SGCD: variants seen among roughly 807,000 people sequenced by gnomAD.
The protein encoded by SGCD is sarcoglycan delta.
In SGCD, 18 loss-of-function variants were observed where a neutral mutation model predicts 36.6. That is an observed-to-expected ratio of 0.49 (90% CI 0.34 to 0.73). The LOEUF is 0.73. SGCD is among the 30% of genes least tolerant of loss of function. SGCD has a pLI of 0.01. For synonymous variants in SGCD, 133 were observed against 130.6 expected, an observed-to-expected ratio of 1.02 and a Z score of -0.12; for missense variants, 387 against 346.7, an observed-to-expected ratio of 1.12 and a Z score of -0.92.
chr5:155,737,699 C>T, the SGCD span, among the ~76,000 whole-genome samples: 1 of 151,094 alleles, frequency 6.6e-6, no homozygotes, highest in African/African-American at 2.4e-5. Flanking sequence ...TCATGACACC[C>T]ACTCATGCCT....
At chr5:155,759,917 A>G in the SGCD span, among the ~76,000 whole-genome samples, 1 of 152,190 alleles carries the variant, frequency 6.6e-6, no homozygotes, top group Admixed American at 6.5e-5. Context: ...GAAATTTTCT[A>G]CGAAGTAACT....
the SGCD span, among the ~76,000 whole-genome samples, chr5:155,766,116 G>A: frequency 6.6e-6 from 1 of 152,078 alleles, no homozygotes; most frequent in African/African-American, 2.4e-5. Context: ...AAGGGGAACT[G>A]CAATGGAGGC....
the SGCD span, among the ~76,000 whole-genome samples, chr5:155,780,297 C>T: frequency 1.3e-5 from 2 of 152,098 alleles, no homozygotes; most frequent in African/African-American, 2.4e-5. Flanking sequence ...GTGTTGTCTA[C>T]ATATCTGAGT....
At chr5:155,883,812 A>T (rs1755942076) in intron 1 of SGCD, among the ~76,000 whole-genome samples, 1 of 151,566 alleles carries the variant, frequency 6.6e-6, no homozygotes, top group Non-Finnish European at 1.5e-5. Flanking sequence ...AAAAAAAAAA[A>T]AAGAAAAGCA....
intron 3 of SGCD, among the ~76,000 whole-genome samples, chr5:156,158,674 A>C (rs764214544): frequency 1.6e-4 from 24 of 151,678 alleles, no homozygotes; most frequent in Non-Finnish European, 2.5e-4. Flanking sequence ...ATGATAGAGA[A>C]GGCAAGAGTC....
intron 1 of SGCD, among the ~76,000 whole-genome samples, chr5:156,046,280 A>G (rs1173892903): frequency 1.3e-5 from 2 of 152,180 alleles, no homozygotes; most frequent in African/African-American, 4.8e-5. Context: ...CATGACTCTT[A>G]TCAATAGGCA....
At chr5:156,187,474 A>G (rs980808414) in intron 3 of SGCD, among the ~76,000 whole-genome samples, 1 of 141,890 alleles carries the variant, frequency 7.0e-6, no homozygotes, top group African/African-American at 2.6e-5. Context: ...TATAGTCTCT[A>G]GCCCTCTAGA....
At chr5:156,074,485 C>G (rs1423971958) in intron 1 of SGCD, among the ~76,000 whole-genome samples, 1 of 151,572 alleles carries the variant, frequency 6.6e-6, no homozygotes, top group Non-Finnish European at 1.5e-5. Context: ...AGTTAGAAAT[C>G]AGCCTGGACA....
chr5:156,019,667 A>C (rs1759056893), intron 1 of SGCD, among the ~76,000 whole-genome samples: 1 of 152,192 alleles, frequency 6.6e-6, no homozygotes, highest in East Asian at 1.9e-4. Flanking sequence ...CTATATCAAC[A>C]CAGTGCCGTA....
At chr5:156,101,737 G>C (rs1409553262) in intron 1 of SGCD, among the ~76,000 whole-genome samples, 4 of 152,084 alleles carry the variant, frequency 2.6e-5, no homozygotes, top group African/African-American at 4.8e-5. Context: ...AACTCAAACT[G>C]CATGGAAGTT....
chr5:156,082,859 G>C (rs1255392235), intron 1 of SGCD, among the ~76,000 whole-genome samples: 1 of 151,944 alleles, frequency 6.6e-6, no homozygotes, highest in East Asian at 1.9e-4. Context: ...AAGTGGCTGT[G>C]CTATTTTATA....
intron 4 of SGCD, among the ~76,000 whole-genome samples, chr5:156,518,098 T>C (rs751860668): frequency 2.6e-5 from 4 of 152,114 alleles, no homozygotes; most frequent in Non-Finnish European, 5.9e-5. Flanking sequence ...GAGACCCATC[T>C]CACGTGCAAA....
intron 3 of SGCD, among the ~76,000 whole-genome samples, chr5:156,141,473 G>T (rs1052311962): frequency 1.8e-4 from 28 of 152,236 alleles, no homozygotes; most frequent in African/African-American, 6.8e-4. Flanking sequence ...GGCCTTGAAG[G>T]CCCAACCCTT....
chr5:155,931,408 A>T (rs1757094812), intron 1 of SGCD, among the ~76,000 whole-genome samples: 1 of 152,186 alleles, frequency 6.6e-6, no homozygotes, highest in Admixed American at 6.5e-5. Context: ...CTTGTCTATG[A>T]ATGTATTTCA....
chr5:156,019,497 ATGGT>A (rs1423326127), intron 1 of SGCD, among the ~76,000 whole-genome samples: 4 of 152,198 alleles, frequency 2.6e-5, no homozygotes, highest in African/African-American at 9.7e-5. Context: ...TCTTTGAAAA[ATGGT>A]TATCTGCTGA....
chr5:156,137,370 A>G (rs1010231089), intron 3 of SGCD, among the ~76,000 whole-genome samples: 1 of 152,226 alleles, frequency 6.6e-6, no homozygotes, highest in African/African-American at 2.4e-5. Context: ...CATTTAACTT[A>G]TCTCAATTCA....
the SGCD span, among the ~76,000 whole-genome samples, chr5:155,841,447 T>C: frequency 6.6e-6 from 1 of 152,224 alleles, no homozygotes; most frequent in African/African-American, 2.4e-5. Flanking sequence ...TAATACCTCA[T>C]TGTAGTTGTA....
chr5:155,997,962 A>G lies in SGCD; in HGVS notation c.-281-119916A>G, dbSNP rs940766303. ...ATTTGAACTTTCCCATTGCTTATTC[A>G]TAGCGTAGATTATTTTAAATTGTGA... On this transcript the variant is annotated intron_variant, in intron 1 of 9. Transcript: ENST00000517913. Among the ~76,000 whole-genome samples, 4 of 152,174 alleles carry G rather than the reference A, an allele frequency of 2.6e-5. No homozygotes were observed. The South Asian group carries it at 6.2e-4, about 24-fold the overall frequency.
At chr5:156,245,119 G>A (rs1765408800) in intron 3 of SGCD, among the ~76,000 whole-genome samples, 1 of 152,174 alleles carries the variant, frequency 6.6e-6, no homozygotes, top group Non-Finnish European at 1.5e-5. Context: ...GCTGGTTAGT[G>A]ACATTTTTTT....
Sources: gnomAD v4.1 joint callset for allele counts (sites outside exome capture counted in the v4.1 genomes callset) on GRCh38, gnomAD v4.1.1 for gene constraint, MANE v1.5 for transcripts, NCBI Gene and HGNC (gene_info 2026-07-23, HGNC 2026-07-21) for gene names.